GRK5: variants seen among roughly 807,000 people sequenced by gnomAD.
GRK5 encodes G protein-coupled receptor kinase 5.
A neutral mutation model predicts 78.4 loss-of-function variants in GRK5; 40 were observed. That is an observed-to-expected ratio of 0.51 (90% CI 0.40 to 0.66). The LOEUF is 0.66. Among genes scored for constraint, GRK5 ranks in the 30% least tolerant of loss-of-function variants. The probability of loss-of-function intolerance (pLI) is 0.00; values close to 1 mark genes in which losing one functional copy is unlikely to be tolerated. For synonymous variants in GRK5, 289 were observed against 296.8 expected, an observed-to-expected ratio of 0.97 and a Z score of 0.27; for missense variants, 598 against 759.9, an observed-to-expected ratio of 0.79 and a Z score of 2.50.
In GRK5 at chr10:119,366,894, C is replaced by T. The variant is rs529629185; in HGVS notation, c.149-13921C>T. On this transcript the variant is annotated intron_variant, in intron 2 of 15. Coordinates refer to ENST00000392870, the MANE Select transcript of GRK5 (RefSeq NM_005308.3). ...CTGCTGTCAGCAAGAGCTGAGTTCA[C>T]ATCCCAGCTCTGCCTCTTGCTAGCC... Among the ~76,000 whole-genome samples, 3 of 152,326 alleles carry T rather than the reference C, an allele frequency of 2.0e-5. No homozygotes were observed. In the South Asian group the frequency reaches 6.2e-4, roughly 32 times the overall value.
intron 2 of GRK5, among the ~76,000 whole-genome samples, chr10:119,352,199 G>A (rs1483417752): frequency 6.6e-6 from 1 of 152,158 alleles, no homozygotes; most frequent in Non-Finnish European, 1.5e-5. Flanking sequence ...TGGCTCTTCT[G>A]TGTCATCAGG....
intron 1 of GRK5, among the ~76,000 whole-genome samples, chr10:119,301,393 G>A (rs1321272644): frequency 6.6e-6 from 1 of 152,202 alleles, no homozygotes; most frequent in Non-Finnish European, 1.5e-5. Flanking sequence ...GTGGCTGTGT[G>A]CAGTTGTGTT....
chr10:119,396,688 G>C lies in GRK5; in HGVS notation c.262-7G>C. On this transcript the variant is annotated splice_region_variant and splice_polypyrimidine_tract_variant and intron_variant, in intron 3 of 15. Coordinates refer to ENST00000392870, the MANE Select transcript of GRK5 (RefSeq NM_005308.3). The stretch of plus-strand genomic sequence containing the variant: ...TGTTATTGTTCTTTTTTCTCCTTCT[G>C]TTTTAGGCAGAATATGAAGTTACTC... 2 of 1,608,506 alleles carry C rather than the reference G, an allele frequency of 1.2e-6. No individual in the cohort carries two copies. The highest frequency in any genetic ancestry group is 1.7e-6 in the Non-Finnish European group (2 of 1,174,860).
chr10:119,421,876 G>A (rs2133882927), intron 4 of GRK5, among the ~76,000 whole-genome samples: 1 of 152,284 alleles, frequency 6.6e-6, no homozygotes, highest in Middle Eastern at 3.4e-3. Context: ...GAACCGTGGG[G>A]AACAGAAAAC....
chr10:119,427,291 C>T (rs534205330), intron 6 of GRK5, among the ~76,000 whole-genome samples: 1,820 of 150,148 alleles, frequency 0.012, 81 homozygotes, highest in African/African-American at 0.043. Flanking sequence ...TCAGCATCAT[C>T]GCCATCAACA....
intron 2 of GRK5, among the ~76,000 whole-genome samples, chr10:119,344,838 C>A (rs1851051884): frequency 6.7e-6 from 1 of 148,584 alleles, no homozygotes; most frequent in Non-Finnish European, 1.5e-5. Context: ...CAGTCCCCTG[C>A]CCTCCTCCCT....
At chr10:119,256,734 T>G (rs1589705349) in intron 1 of GRK5, among the ~76,000 whole-genome samples, 1 of 152,196 alleles carries the variant, frequency 6.6e-6, no homozygotes, top group Admixed American at 6.5e-5. Context: ...TATTGAGAGA[T>G]AATTCACGTA....
chr10:119,359,696 C>T (rs2133807646), intron 2 of GRK5, among the ~76,000 whole-genome samples: 1 of 152,332 alleles, frequency 6.6e-6, no homozygotes, highest in Admixed American at 6.5e-5. Context: ...CGCTTGCCTT[C>T]CTCATCCGGT....
chr10:119,418,103 A>G (rs1002204251), intron 4 of GRK5, among the ~76,000 whole-genome samples: 14 of 152,212 alleles, frequency 9.2e-5, no homozygotes, highest in Admixed American at 3.3e-4. Flanking sequence ...CCGCTGGAAT[A>G]GCAGGCAGCC....
At chr10:119,411,545 C>G (rs1852336757) in intron 4 of GRK5, among the ~76,000 whole-genome samples, 1 of 152,120 alleles carries the variant, frequency 6.6e-6, no homozygotes, top group African/African-American at 2.4e-5. Flanking sequence ...GGGACTGAAG[C>G]TTAAATAACT....
intron 1 of GRK5, among the ~76,000 whole-genome samples, chr10:119,261,571 G>C (rs1169911994): frequency 1.6e-4 from 25 of 151,954 alleles, no homozygotes; most frequent in African/African-American, 5.1e-4. Flanking sequence ...AGGTTGTAGC[G>C]AGCCGAGATC....
At chr10:119,220,279 A>G (rs1226787033) in intron 1 of GRK5, among the ~76,000 whole-genome samples, 1 of 152,218 alleles carries the variant, frequency 6.6e-6, no homozygotes, top group Non-Finnish European at 1.5e-5. Context: ...GGAATGCACC[A>G]GGCCTAGATA....
chr10:119,261,608 C>T (rs889419397), intron 1 of GRK5, among the ~76,000 whole-genome samples: 1 of 152,244 alleles, frequency 6.6e-6, no homozygotes, highest in African/African-American at 2.4e-5. Context: ...GCCTGGGCGC[C>T]ATTGAGCACT....
Position 119,217,150 on chromosome 10 carries a change from C to T in GRK5, c.52+9181C>T, listed in dbSNP as rs2133703479. Among the ~76,000 whole-genome samples the T allele has an allele frequency of 6.6e-6, 1 of 152,132 alleles. No individual in the cohort carries two copies. The highest frequency in any genetic ancestry group is 2.1e-4 in the South Asian group (1 of 4,822). On this transcript the variant is annotated intron_variant, in intron 1 of 15. Transcript: ENST00000392870. This position sits in a 1 kb window ranked among gnomAD's most constrained non-coding sequence, Gnocchi z 4.1. ...TGGTAGGGTTTTTAAGTGTAAATAC[C>T]CATGAGGTTGTAATTGTGGAAGAGA...
intron 2 of GRK5, among the ~76,000 whole-genome samples, chr10:119,342,617 C>T (rs1407654586): frequency 6.6e-6 from 1 of 152,184 alleles, no homozygotes; most frequent in Non-Finnish European, 1.5e-5. Context: ...CAGAGCTTTG[C>T]TTCTTGGTTC....
At chr10:119,366,757 G>A (rs767629954) in intron 2 of GRK5, among the ~76,000 whole-genome samples, 1 of 152,186 alleles carries the variant, frequency 6.6e-6, no homozygotes, top group Non-Finnish European at 1.5e-5. Context: ...TGGACCCCTA[G>A]AGGTTGCCAG....
chr10:119,456,934 A>G lies in GRK5; in HGVS notation c.*1867A>G, dbSNP rs912638585. ...GGACTGATCATTTTGAGGCCCTTTT[A>G]CAAAGAAATGGGGGAGAAGAAATAG... On this transcript the variant is annotated 3_prime_UTR_variant, in exon 16 of 16. Coordinates refer to ENST00000392870, the MANE Select transcript of GRK5 (RefSeq NM_005308.3). This position sits in a 1 kb window ranked among gnomAD's most constrained non-coding sequence, Gnocchi z 5.5. 2 of 152,196 alleles carry G rather than the reference A, an allele frequency of 1.3e-5. No individual in the cohort carries two copies. The highest frequency in any genetic ancestry group is 2.9e-5 in the Non-Finnish European group (2 of 68,028). 9.4% of individuals were successfully genotyped at this position (152,196 alleles called of 1,614,324 possible).
At chr10:119,319,827 G>A (rs1445334931) in intron 1 of GRK5, among the ~76,000 whole-genome samples, 1 of 152,252 alleles carries the variant, frequency 6.6e-6, no homozygotes, top group African/African-American at 2.4e-5. Flanking sequence ...TCCTGAATGA[G>A]GGCCAAATGT....
intron 1 of GRK5, among the ~76,000 whole-genome samples, chr10:119,273,104 A>C (rs1234671940): frequency 6.6e-6 from 1 of 152,236 alleles, no homozygotes; most frequent in Non-Finnish European, 1.5e-5. Context: ...AATATGAACA[A>C]AACCAGACCG....
Sources: gnomAD v4.1 joint callset for allele counts (sites outside exome capture counted in the v4.1 genomes callset) on GRCh38, gnomAD v4.1.1 for gene constraint, Gnocchi (gnomAD v3.1) non-coding constraint, MANE v1.5 for transcripts, NCBI Gene and HGNC (gene_info 2026-07-23, HGNC 2026-07-21) for gene names.